The following CSNK1D variants were observed in gnomAD, a reference collection of about 807,000 sequenced individuals.
CSNK1D encodes the protein casein kinase I isoform delta.
Under a neutral mutation model 46.6 loss-of-function variants are expected in CSNK1D, and 16 were observed. The observed-to-expected ratio is 0.34, with a 90% CI of 0.23 to 0.52. The LOEUF is 0.52. Ranked by LOEUF, CSNK1D falls within the 20% of genes least tolerant of loss-of-function variation. The pLI is 0.95. For missense variants in CSNK1D, 398 were observed against 578.4 expected, an observed-to-expected ratio of 0.69 and a Z score of 3.20; for synonymous variants, 276 against 228.2, an observed-to-expected ratio of 1.21 and a Z score of -1.89.
At chr17:82,270,890 G>T (rs964497437) in intron 1 of CSNK1D, among the ~76,000 whole-genome samples, 1 of 152,208 alleles carries the variant, frequency 6.6e-6, no homozygotes, top group Non-Finnish European at 1.5e-5. Flanking sequence ...TATCCAGCAT[G>T]ACTGTATGCC....
rs1305070465 is a variant in CSNK1D at position 82,248,744 on chromosome 17, C to T, written c.1197+131G>A. The T allele has an allele frequency of 2.7e-6, 4 of 1,508,274 alleles. No homozygotes were observed. The highest frequency in any genetic ancestry group is 3.5e-6 in the Non-Finnish European group (4 of 1,130,738). The allele number at this position is 1,508,274 out of a possible 1,614,324, so 93.4% of individuals were successfully genotyped here. A position where few individuals can be genotyped will look rare whatever the true frequency, so the allele number is the denominator to read the frequency against. ...TCATCTGCAACCAAGACGCCACACC[C>T]TGGCGAGATTAAAAACTCTCAAAAA... is the stretch of plus-strand genomic sequence containing the variant. On this transcript the variant is annotated intron_variant, in intron 8 of 8. Coordinates refer to ENST00000314028, the MANE Select transcript of CSNK1D (RefSeq NM_001893.6). The surrounding 1 kb of genome is among the most constrained non-coding windows in gnomAD (Gnocchi z 4.1).
chr17:82,270,208 C>T (rs2051583535), intron 1 of CSNK1D, among the ~76,000 whole-genome samples: 1 of 152,206 alleles, frequency 6.6e-6, no homozygotes, highest in Non-Finnish European at 1.5e-5. Flanking sequence ...TTTGAAGGGG[C>T]AATTTTGGAA....
In CSNK1D at chr17:82,251,141, C is replaced by T; in HGVS notation, c.885+238G>A. On this transcript the variant is annotated intron_variant, in intron 6 of 8. Coordinates refer to ENST00000314028, the MANE Select transcript of CSNK1D (RefSeq NM_001893.6). This position sits in a 1 kb window ranked among gnomAD's most constrained non-coding sequence, Gnocchi z 4.5. ...GGGAGGGAAGGGGCCTCCTGCTGTC[C>T]ACACCCAGGAATTCCATGGACCCCT... 1 of 527,962 alleles carries T rather than the reference C, an allele frequency of 1.9e-6. No homozygotes were observed. The highest frequency in any genetic ancestry group is 3.4e-6 in the Non-Finnish European group (1 of 290,552). The allele number at this position is 527,962 out of a possible 1,614,324, so 32.7% of individuals were successfully genotyped here. A position where few individuals can be genotyped will look rare whatever the true frequency, so the allele number is the denominator to read the frequency against.
intron 3 of CSNK1D, chr17:82,253,638 T>G (rs1340908827): frequency 2.8e-6 from 1 of 354,720 alleles, no homozygotes; most frequent in African/African-American, 2.1e-5. Context: ...AGGAACCCAC[T>G]GAATGGAAAC....
At chr17:82,253,799 G>A in intron 3 of CSNK1D, 1 of 299,540 alleles carries the variant, frequency 3.3e-6, no homozygotes, top group Non-Finnish European at 6.3e-6. Context: ...CCAGTGAGCT[G>A]AGCCGCCGGA....
rs925460313 is a variant in CSNK1D at position 82,245,064 on chromosome 17, C to A, written c.1198-233G>T. 3 of 624,906 alleles carry A rather than the reference C, an allele frequency of 4.8e-6. No homozygotes were observed. In the East Asian group the frequency reaches 8.2e-5, roughly 17 times the overall value. The allele number at this position is 624,906 out of a possible 1,614,324, so 38.7% of individuals were successfully genotyped here. ...AAGAGGCATGCAAGCAAGGTGCCCG[C>A]GGAGCCGGGCTCGGCAGGGTCGAAG... On this transcript the variant is annotated intron_variant, in intron 8 of 8. Coordinates refer to ENST00000314028, the MANE Select transcript of CSNK1D (RefSeq NM_001893.6).
At chr17:82,239,958 C>A, downstream of CSNK1D, 1 of 1,230,722 alleles carries the variant, frequency 8.1e-7, no homozygotes, top group South Asian at 4.1e-5. Context: ...GGAGCCCGGT[C>A]AGAGGCCGCC....
intron 2 of CSNK1D, among the ~76,000 whole-genome samples, chr17:82,263,868 C>A (rs1056773466): frequency 2.6e-5 from 4 of 152,242 alleles, no homozygotes; most frequent in African/African-American, 9.6e-5. Flanking sequence ...AGTCCACCAC[C>A]AAGGGCCGCC....
Position 82,251,126 on chromosome 17 carries a change from G to T in CSNK1D, c.885+253C>A. 1 of 496,890 alleles carries T rather than the reference G, an allele frequency of 2.0e-6. No homozygotes were observed. The highest frequency in any genetic ancestry group is 3.7e-6 in the Non-Finnish European group (1 of 270,930). 30.8% of individuals were successfully genotyped at this position (496,890 alleles called of 1,614,324 possible). A position where few individuals can be genotyped will look rare whatever the true frequency, so the allele number is the denominator to read the frequency against. ...CTCCGCTTGGTGACAGGGAGGGAAGGGGCCTCCTGCTGTCCACACCCAGGA... is the reference window on the plus strand; with the variant it reads ...CTCCGCTTGGTGACAGGGAGGGAAGTGGCCTCCTGCTGTCCACACCCAGGA... On this transcript the variant is annotated intron_variant, in intron 6 of 8. Transcript: ENST00000314028. This position sits in a 1 kb window ranked among gnomAD's most constrained non-coding sequence, Gnocchi z 4.5.
intron 3 of CSNK1D, chr17:82,253,772 G>A (rs945669424): frequency 2.0e-5 from 6 of 307,032 alleles, no homozygotes; most frequent in South Asian, 5.3e-5. Context: ...GAACTGAGCC[G>A]CCGGAGCCTC....
downstream of CSNK1D, among the ~76,000 whole-genome samples, chr17:82,241,265 G>A (rs1031629299): frequency 3.9e-5 from 6 of 152,192 alleles, no homozygotes; most frequent in Non-Finnish European, 8.8e-5. Flanking sequence ...GGGAGGTGGC[G>A]GGGGAGGCAC....
intron 8 of CSNK1D, chr17:82,245,375 T>G (rs1412700634): frequency 8.2e-6 from 2 of 243,882 alleles, no homozygotes; most frequent in Non-Finnish European, 1.6e-5. Context: ...GGGCTGCGGC[T>G]GGAGGAGTTA....
intron 2 of CSNK1D, among the ~76,000 whole-genome samples, chr17:82,264,165 C>T (rs1457733369): frequency 6.6e-6 from 1 of 152,236 alleles, no homozygotes; most frequent in African/African-American, 2.4e-5. Flanking sequence ...AAAGGGCTAA[C>T]AGAGGCCCTG....
chr17:82,244,122 G>A lies in CSNK1D; in HGVS notation c.*659C>T. ...GAGACGCCAAAATCAGGTTGAAGAGGTCCCACCACACACGGGCACACACAC... is the reference window on the plus strand; with the variant it reads ...GAGACGCCAAAATCAGGTTGAAGAGATCCCACCACACACGGGCACACACAC... On this transcript the variant is annotated 3_prime_UTR_variant, in exon 9 of 9. Coordinates refer to ENST00000314028, the MANE Select transcript of CSNK1D (RefSeq NM_001893.6). 1 of 992,964 alleles carries A rather than the reference G, an allele frequency of 1.0e-6. No individual in the cohort carries two copies. Among genetic ancestry groups the A allele is most frequent in the Non-Finnish European group, 1.2e-6 (1 of 834,006 alleles). The allele number at this position is 992,964 out of a possible 1,614,324, so 61.5% of individuals were successfully genotyped here.
In CSNK1D at chr17:82,244,257, A is replaced by G. The variant is rs2050794453; in HGVS notation, c.*524T>C. 1 of 1,085,110 alleles carries G rather than the reference A, an allele frequency of 9.2e-7. No individual in the cohort carries two copies. The highest frequency in any genetic ancestry group is 2.6e-5 in the South Asian group (1 of 38,478). 67.2% of individuals were successfully genotyped at this position (1,085,110 alleles called of 1,614,324 possible). On this transcript the variant is annotated 3_prime_UTR_variant, in exon 9 of 9. Coordinates refer to ENST00000314028, the MANE Select transcript of CSNK1D (RefSeq NM_001893.6). ...TCCACCTGCACCTTCTCCCTGCCCG[A>G]CTCCACCTCATACACTAACTCCAAG...
chr17:82,257,582 C>T (rs1274554498), intron 2 of CSNK1D, among the ~76,000 whole-genome samples: 7 of 152,194 alleles, frequency 4.6e-5, no homozygotes, highest in Admixed American at 2.6e-4. Flanking sequence ...ACACTGGGCC[C>T]GGCCAATGAC....
At chr17:82,262,848 C>T (rs996593549) in intron 2 of CSNK1D, among the ~76,000 whole-genome samples, 3 of 152,198 alleles carry the variant, frequency 2.0e-5, no homozygotes, top group African/African-American at 4.8e-5. Flanking sequence ...TTTGCCTTCT[C>T]GGACATCATT....
At chr17:82,247,007 C>T (rs529828104) in intron 8 of CSNK1D, 7 of 985,484 alleles carry the variant, frequency 7.1e-6, no homozygotes, top group South Asian at 4.7e-5. Context: ...GAAGGACACA[C>T]GGCCAAAGCC....
intron 2 of CSNK1D, chr17:82,265,438 CA>C: frequency 2.1e-6 from 1 of 486,572 alleles, no homozygotes; most frequent in East Asian, 4.0e-5. Flanking sequence ...CTTGGCCTCC[CA>C]AAGTGCTGGG....
Sources: gnomAD v4.1 joint callset for allele counts (sites outside exome capture counted in the v4.1 genomes callset) on GRCh38, gnomAD v4.1.1 for gene constraint, Gnocchi (gnomAD v3.1) non-coding constraint, MANE v1.5 for transcripts, NCBI Gene and HGNC (gene_info 2026-07-23, HGNC 2026-07-21) for gene names.